The following B4GALT6 variants were observed in gnomAD, a reference collection of about 807,000 sequenced individuals.
The protein encoded by B4GALT6 is UDP-Gal:beta-GlcNAc beta-1,4-galactosyltransferase 6.
In B4GALT6, 14 loss-of-function variants were observed where a neutral mutation model predicts 46.3. The observed-to-expected ratio is 0.30, with a 90% CI of 0.20 to 0.47. The LOEUF (loss-of-function observed/expected upper bound fraction) is 0.47, where lower values mean the gene tolerates loss of function less well. Ranked by LOEUF, B4GALT6 falls within the 20% of genes least tolerant of loss-of-function variation. The pLI is 0.99. For synonymous variants in B4GALT6, 168 were observed against 162.0 expected (o/e 1.04, Z -0.28); for missense variants, 386 against 480.1 (o/e 0.80, Z 1.83).
chr18:31,635,217 G>A (rs1326113243), intron 5 of B4GALT6, among the ~76,000 whole-genome samples: 5 of 151,304 alleles, frequency 3.3e-5, no homozygotes, highest in South Asian at 2.1e-4. Flanking sequence ...GCGACAGAGC[G>A]AGACTCCATC....
At chr18:31,691,243 A>G in the B4GALT6 span, among the ~76,000 whole-genome samples, 4 of 125,544 alleles carry the variant, frequency 3.2e-5, no homozygotes, top group Admixed American at 8.3e-5. Context: ...GCAATAAATA[A>G]TTATTGGATC....
rs116742632 is a variant in B4GALT6 at position 31,658,753 on chromosome 18, C to A, written c.233-664G>T. Reference sequence around the variant, plus strand: ...TCCAACACACTGTAGCTGTGTGATACAGGGCAGGACACGATGTAGCTTGCC... The same window carrying A: ...TCCAACACACTGTAGCTGTGTGATAAAGGGCAGGACACGATGTAGCTTGCC... On this transcript the variant is annotated intron_variant, in intron 2 of 8. Coordinates refer to ENST00000306851, the MANE Select transcript of B4GALT6 (RefSeq NM_004775.5). Among the ~76,000 whole-genome samples, 253 of 152,304 alleles carry A rather than the reference C, an allele frequency of 1.7e-3. 1 individual carries two copies. The highest frequency in any genetic ancestry group is 0.01 in the East Asian group (54 of 5,182).
chr18:31,674,594 T>A (rs975464243), intron 1 of B4GALT6, among the ~76,000 whole-genome samples: 9 of 152,232 alleles, frequency 5.9e-5, no homozygotes, highest in Non-Finnish European at 1.3e-4. Context: ...TAAGAATTTA[T>A]GATAATCTTC....
At chr18:31,700,062 C>T in the B4GALT6 span, among the ~76,000 whole-genome samples, 4 of 152,158 alleles carry the variant, frequency 2.6e-5, no homozygotes, top group African/African-American at 9.7e-5. Context: ...AGGTTACTAA[C>T]TGGGAGAGAG....
At chr18:31,699,613 C>T in the B4GALT6 span, among the ~76,000 whole-genome samples, 2 of 130,902 alleles carry the variant, frequency 1.5e-5, no homozygotes, top group Admixed American at 8.4e-5. Flanking sequence ...TCAGGAAATA[C>T]ACTTCCCATG....
the B4GALT6 span, among the ~76,000 whole-genome samples, chr18:31,712,724 T>C: frequency 6.6e-6 from 1 of 152,256 alleles, no homozygotes; most frequent in African/African-American, 2.4e-5. Context: ...TTACATCCAC[T>C]GCCCTATTTT....
At chr18:31,715,641 C>T in the B4GALT6 span, among the ~76,000 whole-genome samples, 2 of 144,250 alleles carry the variant, frequency 1.4e-5, no homozygotes, top group African/African-American at 2.6e-5. Flanking sequence ...ACCTCCACCT[C>T]CTGGATTCAA....
At chr18:31,669,005 G>C (rs2074316876) in intron 1 of B4GALT6, among the ~76,000 whole-genome samples, 1 of 147,896 alleles carries the variant, frequency 6.8e-6, no homozygotes, top group South Asian at 2.1e-4. Flanking sequence ...GACAGAGTGA[G>C]ACCCTGTGTC....
intron 1 of B4GALT6, among the ~76,000 whole-genome samples, chr18:31,671,981 A>G (rs2074362301): frequency 6.6e-6 from 1 of 152,250 alleles, no homozygotes; most frequent in Non-Finnish European, 1.5e-5. Context: ...TTCTATCCTG[A>G]GTTTATGAGG....
the B4GALT6 span, among the ~76,000 whole-genome samples, chr18:31,712,575 CA>C: frequency 1.3e-5 from 2 of 152,274 alleles, no homozygotes; most frequent in East Asian, 3.9e-4. Context: ...CTCAGCCTCC[CA>C]AAGTGTTGGG....
chr18:31,709,728 CA>C, the B4GALT6 span, among the ~76,000 whole-genome samples: 1 of 151,794 alleles, frequency 6.6e-6, no homozygotes, highest in Non-Finnish European at 1.5e-5. Flanking sequence ...CAATTTAAAA[CA>C]AGTTCCAGAC....
At chr18:31,637,728 A>C (rs1389592039) in intron 5 of B4GALT6, among the ~76,000 whole-genome samples, 1 of 152,192 alleles carries the variant, frequency 6.6e-6, no homozygotes, top group East Asian at 1.9e-4. Flanking sequence ...AAAGAAAAAA[A>C]CTTTCCTTCC....
At chr18:31,631,705 A>G (rs1339441455) in intron 5 of B4GALT6, among the ~76,000 whole-genome samples, 10 of 152,186 alleles carry the variant, frequency 6.6e-5, no homozygotes, top group Admixed American at 6.5e-4. Context: ...GGAAACTGGA[A>G]GTGACTCAAC....
chr18:31,659,292 G>A (rs1313479807), intron 2 of B4GALT6, among the ~76,000 whole-genome samples: 1 of 152,208 alleles, frequency 6.6e-6, no homozygotes, highest in Non-Finnish European at 1.5e-5. Flanking sequence ...TAGGAAGTAT[G>A]TGAGAGGAGC....
intron 2 of B4GALT6, among the ~76,000 whole-genome samples, chr18:31,660,983 G>A (rs2074206483): frequency 6.6e-6 from 1 of 152,162 alleles, no homozygotes; most frequent in South Asian, 2.1e-4. Flanking sequence ...ACAATGGCAT[G>A]GGAATTTTGG....
At chr18:31,711,120 C>T in the B4GALT6 span, among the ~76,000 whole-genome samples, 5 of 152,192 alleles carry the variant, frequency 3.3e-5, no homozygotes, top group African/African-American at 1.2e-4. Flanking sequence ...GTCACTCTGT[C>T]CCAAAGAGGT....
the B4GALT6 span, among the ~76,000 whole-genome samples, chr18:31,693,226 GAACAC>G: frequency 6.6e-6 from 1 of 152,116 alleles, no homozygotes; most frequent in Non-Finnish European, 1.5e-5. Context: ...GAGAACACGA[GAACAC>G]AACACACATT....
chr18:31,659,235 G>A (rs1320490671), intron 2 of B4GALT6, among the ~76,000 whole-genome samples: 2 of 152,188 alleles, frequency 1.3e-5, no homozygotes, highest in African/African-American at 4.8e-5. Flanking sequence ...CAATGTAGAA[G>A]CTAAACCCTC....
At chr18:31,696,113 C>A in the B4GALT6 span, among the ~76,000 whole-genome samples, 1 of 151,984 alleles carries the variant, frequency 6.6e-6, no homozygotes, top group Non-Finnish European at 1.5e-5. Context: ...AAAGCTGATG[C>A]AAAGAGAAGA....
Sources: gnomAD v4.1 joint callset for allele counts (sites outside exome capture counted in the v4.1 genomes callset) on GRCh38, gnomAD v4.1.1 for gene constraint, MANE v1.5 for transcripts, NCBI Gene and HGNC (gene_info 2026-07-23, HGNC 2026-07-21) for gene names.